The following FNDC3A variants were observed in gnomAD, a reference collection of about 807,000 sequenced individuals.
FNDC3A encodes fibronectin type III domain containing 3A, also known as fibronectin type-III domain-containing protein 3A.
FNDC3A carries 32 observed loss-of-function variants against 148.9 expected under a neutral mutation model. The ratio of observed to expected loss-of-function variants is 0.21; its 90% CI spans 0.16 to 0.29. The LOEUF (loss-of-function observed/expected upper bound fraction) is 0.29. Among genes scored for constraint, FNDC3A ranks in the 10% least tolerant of loss-of-function variants. FNDC3A has a pLI of 1.00. For missense variants in FNDC3A, 1,191 were observed against 1,452.8 expected, an observed-to-expected ratio of 0.82 and a Z score of 2.93; for synonymous variants, 472 against 473.6, an observed-to-expected ratio of 1.00 and a Z score of 0.04.
chr13:49,015,499 G>A (rs1952477259), intron 2 of FNDC3A, among the ~76,000 whole-genome samples: 1 of 152,184 alleles, frequency 6.6e-6, no homozygotes, highest in Admixed American at 6.5e-5. Flanking sequence ...AAGATTTTGG[G>A]CTGAGACAGT....
intron 3 of FNDC3A, among the ~76,000 whole-genome samples, chr13:49,082,117 G>T (rs1878515217): frequency 6.6e-6 from 1 of 152,158 alleles, no homozygotes; most frequent in Admixed American, 6.6e-5. Context: ...CAGCACGGTG[G>T]CTCACGCCTG....
chr13:49,047,529 G>A (rs544942393), intron 2 of FNDC3A, among the ~76,000 whole-genome samples: 2 of 152,146 alleles, frequency 1.3e-5, no homozygotes, highest in East Asian at 1.9e-4. Context: ...GTTTTAATTC[G>A]CATTTCTCTG....
At chr13:49,055,355 A>G (rs1876153991) in intron 2 of FNDC3A, among the ~76,000 whole-genome samples, 1 of 151,604 alleles carries the variant, frequency 6.6e-6, no homozygotes, top group South Asian at 2.1e-4. Flanking sequence ...AACCATCTGA[A>G]TAGACCCCCA....
At chr13:49,139,695 A>C (rs929184369) in intron 7 of FNDC3A, among the ~76,000 whole-genome samples, 2 of 152,320 alleles carry the variant, frequency 1.3e-5, no homozygotes, top group Admixed American at 1.3e-4. Flanking sequence ...ATATATGTGT[A>C]AATAAATGTA....
At chr13:49,162,543 C>T (rs1016696085) in intron 8 of FNDC3A, among the ~76,000 whole-genome samples, 4 of 152,082 alleles carry the variant, frequency 2.6e-5, no homozygotes, top group South Asian at 4.1e-4. Flanking sequence ...TTCCTTGTGA[C>T]GGGTTCAAAC....
intron 1 of FNDC3A, among the ~76,000 whole-genome samples, chr13:49,002,755 ATGT>A (rs1032725573): frequency 3.3e-5 from 5 of 152,146 alleles, no homozygotes; most frequent in Non-Finnish European, 5.9e-5. Context: ...AGATTTATCC[ATGT>A]TGTTTTCTGT....
rs547222518 is a variant in FNDC3A, at chr13:49,102,832, T to C, written c.176-11823T>C. On this transcript the variant is annotated intron_variant, in intron 3 of 25. Coordinates refer to ENST00000492622, the MANE Select transcript of FNDC3A (RefSeq NM_001079673.2). ...AATTATATGATAATTTTAGCAAACT[T>C]AAAAATGTACCTGCTTATTTTTGTA... 5.3e-5 allele frequency among the ~76,000 whole-genome samples: 8 copies of C among 152,348 alleles called. No homozygotes were observed. The South Asian group carries it at 1.4e-3, about 28-fold the overall frequency.
chr13:49,055,242 T>C lies in FNDC3A; in HGVS notation c.100-20047T>C, dbSNP rs955986134. Among the ~76,000 whole-genome samples, 6 of 152,206 alleles carry C rather than the reference T, an allele frequency of 3.9e-5. No individual in the cohort carries two copies. In the East Asian group the frequency reaches 5.8e-4, roughly 15 times the overall value. ...CCTCAGCCTCCTGAGTAGCTGGGAA[T>C]ACAAGCATGCACCACTACACCCAGC... On this transcript the variant is annotated intron_variant, in intron 2 of 25. Coordinates refer to ENST00000492622, the MANE Select transcript of FNDC3A (RefSeq NM_001079673.2).
intron 8 of FNDC3A, among the ~76,000 whole-genome samples, chr13:49,149,047 T>G (rs1173849012): frequency 6.6e-6 from 1 of 152,172 alleles, no homozygotes; most frequent in Non-Finnish European, 1.5e-5. Flanking sequence ...TTTTGTATTT[T>G]GATTTTATAT....
At chr13:49,138,299 A>C (rs191401453) in intron 6 of FNDC3A, among the ~76,000 whole-genome samples, 2 of 152,286 alleles carry the variant, frequency 1.3e-5, no homozygotes, top group Admixed American at 6.5e-5. Context: ...TTTGCCTATC[A>C]GTGGTGGCTA....
chr13:49,185,881 T>C, intron 14 of FNDC3A, 83 bp from the exon 15 acceptor site: 1 of 1,093,154 alleles, frequency 9.1e-7, no homozygotes, highest in South Asian at 1.5e-5. Flanking sequence ...GTTGAAGCTG[T>C]TTGTCTCCTA....
At chr13:49,058,828 A>G (rs1364339304) in intron 2 of FNDC3A, among the ~76,000 whole-genome samples, 2 of 152,212 alleles carry the variant, frequency 1.3e-5, no homozygotes, top group Admixed American at 1.3e-4. Flanking sequence ...TCCTCAAGCT[A>G]ATATTTATTT....
intron 15 of FNDC3A, 124 bp downstream of exon 15, chr13:49,186,226 T>A (rs2138091340): frequency 2.7e-6 from 2 of 750,348 alleles, no homozygotes; most frequent in Admixed American, 5.5e-5. Context: ...AAAAGAAATG[T>A]GAGAGTCATT....
rs184229273 is a variant in FNDC3A, at chr13:49,184,465, A to G, written c.1618-1499A>G. On this transcript the variant is annotated intron_variant, in intron 14 of 25. Transcript: ENST00000492622. ...GTTGTAGAACAGTGAAGTGGAGGTA[A>G]AGTTAACCAGATATAGTAAGAGATT... 2.6e-5 allele frequency among the ~76,000 whole-genome samples: 4 copies of G among 152,306 alleles called. No homozygotes were observed. The East Asian group carries it at 7.7e-4, about 29-fold the overall frequency.
intron 12 of FNDC3A, 24 bp from the exon 13 acceptor site, chr13:49,175,343 T>G (rs908247425): frequency 6.6e-7 from 1 of 1,524,546 alleles, no homozygotes; most frequent in Non-Finnish European, 8.8e-7. Flanking sequence ...TTTTCATGCC[T>G]TTTAAAACCA....
intron 2 of FNDC3A, among the ~76,000 whole-genome samples, chr13:49,030,707 A>G (rs1874047065): frequency 6.6e-6 from 1 of 152,244 alleles, no homozygotes; most frequent in South Asian, 2.1e-4. Context: ...TTGTATTTCT[A>G]TATACGGGCA....
chr13:49,064,722 A>G (rs1877146383), intron 2 of FNDC3A, among the ~76,000 whole-genome samples: 1 of 152,112 alleles, frequency 6.6e-6, no homozygotes, highest in African/African-American at 2.4e-5. Context: ...TGGAGACTTT[A>G]TAGCATGGTG....
intron 2 of FNDC3A, among the ~76,000 whole-genome samples, chr13:49,035,735 T>A (rs1280940235): frequency 6.6e-6 from 1 of 152,096 alleles, no homozygotes; most frequent in Non-Finnish European, 1.5e-5. Context: ...AAAGAGTGCC[T>A]AACATATAGT....
chr13:49,088,992 A>T (rs2137812149), intron 3 of FNDC3A, among the ~76,000 whole-genome samples: 1 of 152,354 alleles, frequency 6.6e-6, no homozygotes, highest in East Asian at 1.9e-4. Context: ...AGTCAAATTC[A>T]TAGAGAGAGA....
Sources: allele counts gnomAD v4.1 joint callset (sites outside exome capture counted in the v4.1 genomes callset), GRCh38; gene constraint gnomAD v4.1.1; transcripts MANE v1.5; gene names NCBI Gene and HGNC (gene_info 2026-07-23, HGNC 2026-07-21).